The following KANK1 variants were observed in gnomAD, a reference collection of about 807,000 sequenced individuals.
KANK1 encodes KN motif and ankyrin repeat domain-containing protein 1.
Under a neutral mutation model 106.2 loss-of-function variants are expected in KANK1, and 109 were observed. That is an observed-to-expected ratio of 1.03 (90% CI 0.88 to 1.20). The LOEUF (loss-of-function observed/expected upper bound fraction) is 1.20. Among genes scored for constraint, KANK1 ranks in the 50% most tolerant of loss-of-function variants. The probability of loss-of-function intolerance (pLI) is 0.00; values close to 1 mark genes in which losing one functional copy is unlikely to be tolerated. For missense variants in KANK1, 2,399 were observed against 1,710.7 expected, an observed-to-expected ratio of 1.40 and a Z score of -7.10; for synonymous variants, 873 against 652.2, an observed-to-expected ratio of 1.34 and a Z score of -5.16.
At chr9:597,093 G>T (rs945851934) in intron 1 of KANK1, among the ~76,000 whole-genome samples, 1 of 151,780 alleles carries the variant, frequency 6.6e-6, no homozygotes, top group Non-Finnish European at 1.5e-5. Context: ...TCCATGGTAC[G>T]GATATATCAT....
Position 713,528 on chromosome 9 carries a change from A to G in KANK1, c.2698+64A>G, listed in dbSNP as rs554528580. 6.0e-6 allele frequency: 9 copies of G among 1,496,774 alleles called. No individual in the cohort carries two copies. In the African/African-American group the frequency reaches 8.4e-5, roughly 14 times the overall value. 92.7% of individuals were successfully genotyped at this position (1,496,774 alleles called of 1,614,324 possible). A position where few individuals can be genotyped will look rare whatever the true frequency, so the allele number is the denominator to read the frequency against. ...GGGGGAAAATGTCTTTCCAGAAGCTAAGGATTATTTTTTAACTGCTGGAAC... is the reference window on the plus strand; with the variant it reads ...GGGGGAAAATGTCTTTCCAGAAGCTGAGGATTATTTTTTAACTGCTGGAAC... On this transcript the variant is annotated intron_variant, in intron 3 of 11. Transcript: ENST00000382297.
At chr9:501,638 A>ACC (rs909741798), upstream of KANK1, among the ~76,000 whole-genome samples, 1 of 151,536 alleles carries the variant, frequency 6.6e-6, no homozygotes, top group Non-Finnish European at 1.5e-5. Context: ...ACACACACAC[A>ACC]CACCCCAATT....
intron 1 of KANK1, among the ~76,000 whole-genome samples, chr9:659,370 T>C (rs1842815925): frequency 6.6e-6 from 1 of 152,162 alleles, no homozygotes; most frequent in African/African-American, 2.4e-5. Context: ...CCTAGCGGGT[T>C]ATCAAAATGC....
intron 1 of KANK1, among the ~76,000 whole-genome samples, chr9:662,059 G>GTGAC (rs1843449251): frequency 6.6e-6 from 1 of 152,116 alleles, no homozygotes; most frequent in South Asian, 2.1e-4. Flanking sequence ...CAAATGATGA[G>GTGAC]TGAACTCCCA....
intron 1 of KANK1, among the ~76,000 whole-genome samples, chr9:660,760 T>C (rs1281303112): frequency 6.6e-6 from 1 of 152,192 alleles, no homozygotes; most frequent in Non-Finnish European, 1.5e-5. Context: ...ACTCTACCAC[T>C]GGAAGGGAGC....
intron 3 of KANK1, among the ~76,000 whole-genome samples, chr9:717,686 A>C (rs1828090283): frequency 6.6e-6 from 1 of 152,230 alleles, no homozygotes. Flanking sequence ...GTTGGTAAAA[A>C]AAAGTTTATT....
chr9:632,608 A>T (rs556377476), intron 1 of KANK1, among the ~76,000 whole-genome samples: 104 of 152,242 alleles, frequency 6.8e-4, no homozygotes, highest in Non-Finnish European at 1.2e-3. Context: ...CATTCCGTGG[A>T]GTCACACTGA....
At chr9:580,266 A>T (rs1178227433) in intron 1 of KANK1, among the ~76,000 whole-genome samples, 1 of 152,016 alleles carries the variant, frequency 6.6e-6, no homozygotes, top group Non-Finnish European at 1.5e-5. Flanking sequence ...TGGCCTCAGG[A>T]GTGAAGCTGC....
chr9:570,803 G>C (rs757220849), intron 1 of KANK1, among the ~76,000 whole-genome samples: 1 of 152,058 alleles, frequency 6.6e-6, no homozygotes, highest in Non-Finnish European at 1.5e-5. Flanking sequence ...TTTAAGACCC[G>C]TTGGCTTAGT....
intron 1 of KANK1, among the ~76,000 whole-genome samples, chr9:626,829 C>T (rs990980589): frequency 6.6e-6 from 1 of 152,192 alleles, no homozygotes; most frequent in Middle Eastern, 3.2e-3. Flanking sequence ...TGACATGATG[C>T]TTTCACAATA....
intron 1 of KANK1, among the ~76,000 whole-genome samples, chr9:672,414 T>G (rs1394919600): frequency 6.6e-6 from 1 of 152,242 alleles, no homozygotes; most frequent in Non-Finnish European, 1.5e-5. Context: ...GAATGTAATT[T>G]CTTAATAAGC....
intron 1 of KANK1, among the ~76,000 whole-genome samples, chr9:619,433 C>T (rs762627502): frequency 9.2e-5 from 14 of 152,218 alleles, no homozygotes; most frequent in Non-Finnish European, 1.9e-4. Flanking sequence ...TGTCCCTTTG[C>T]CTATCGTCAG....
chr9:717,462 A>G (rs1033808668), intron 3 of KANK1, among the ~76,000 whole-genome samples: 2 of 152,170 alleles, frequency 1.3e-5, no homozygotes, highest in Admixed American at 6.5e-5. Context: ...TGAATCATAC[A>G]TAGTCCGCCT....
intron 2 of KANK1, among the ~76,000 whole-genome samples, chr9:688,632 G>T (rs1819135657): frequency 6.6e-6 from 1 of 151,884 alleles, no homozygotes. Flanking sequence ...AAGAAAGATG[G>T]TATTGTCTGT....
At chr9:549,682 C>CA (rs2061154578) in intron 1 of KANK1, 1 of 152,592 alleles carries the variant, frequency 6.6e-6, no homozygotes, top group African/African-American at 2.4e-5. Flanking sequence ...CTGCCCAAGC[C>CA]ACCTGGCCCC....
intron 1 of KANK1, among the ~76,000 whole-genome samples, chr9:597,084 C>A (rs2135726338): frequency 6.6e-6 from 1 of 151,994 alleles, no homozygotes; most frequent in East Asian, 1.9e-4. Context: ...GCTGAATAGT[C>A]CATGGTACGG....
In KANK1 at chr9:543,244, A is replaced by G. The variant is rs904643832; in HGVS notation, c.-84+38490A>G. 2.6e-5 allele frequency among the ~76,000 whole-genome samples: 4 copies of G among 152,094 alleles called. No homozygotes were observed. In the South Asian group the frequency reaches 6.2e-4, roughly 24 times the overall value. The stretch of plus-strand genomic sequence containing the variant: ...ACCCAACGTATTTATTAATTTTTCT[A>G]TACAATGTAATGTGCTTGGAGAACA... On this transcript the variant is annotated intron_variant, in intron 1 of 11. Coordinates refer to ENST00000382297, the MANE Select transcript of KANK1 (RefSeq NM_015158.5).
intron 1 of KANK1, among the ~76,000 whole-genome samples, chr9:670,531 A>C (rs1845636105): frequency 6.6e-6 from 1 of 152,084 alleles, no homozygotes; most frequent in Non-Finnish European, 1.5e-5. Flanking sequence ...GTTGCAAAGG[A>C]GCTATCCCTG....
chr9:552,962 T>C (rs1006454379), intron 1 of KANK1, among the ~76,000 whole-genome samples: 1 of 152,078 alleles, frequency 6.6e-6, no homozygotes, highest in Non-Finnish European at 1.5e-5. Flanking sequence ...CTGGGCAACA[T>C]AGCGAGACCC....
Sources: gnomAD v4.1 joint callset for allele counts (sites outside exome capture counted in the v4.1 genomes callset) on GRCh38, gnomAD v4.1.1 for gene constraint, MANE v1.5 for transcripts, NCBI Gene and HGNC (gene_info 2026-07-23, HGNC 2026-07-21) for gene names.